The following FOCAD variants were observed in gnomAD, a reference collection of about 807,000 sequenced individuals.
FOCAD encodes the protein focadhesin.
A neutral mutation model predicts 225.6 loss-of-function variants in FOCAD; 198 were observed. That is an observed-to-expected ratio of 0.88 (90% CI 0.78 to 0.99). The LOEUF (loss-of-function observed/expected upper bound fraction) is 0.99. Ranked by LOEUF, FOCAD falls within the 50% of genes least tolerant of loss-of-function variation. FOCAD has a pLI of 0.00. For synonymous variants in FOCAD, 897 were observed against 755.0 expected (o/e 1.19, Z -3.08); for missense variants, 2,713 against 2,123.6 (o/e 1.28, Z -5.46).
chr9:20,974,594 G>T, intron 35 of FOCAD, among the ~76,000 whole-genome samples: 3 of 145,634 alleles, frequency 2.1e-5, no homozygotes, highest in Non-Finnish European at 4.5e-5. Context: ...TGCTAATTTG[G>T]CCTCTGCTTC....
intron 7 of FOCAD, among the ~76,000 whole-genome samples, chr9:20,769,304 T>C (rs1817938333): frequency 6.6e-6 from 1 of 152,250 alleles, no homozygotes; most frequent in Non-Finnish European, 1.5e-5. Context: ...GGCTTTCTTC[T>C]TGATGAATTT....
At chr9:20,802,834 T>C (rs1443152012) in intron 11 of FOCAD, among the ~76,000 whole-genome samples, 1 of 152,160 alleles carries the variant, frequency 6.6e-6, no homozygotes, top group Non-Finnish European at 1.5e-5. Flanking sequence ...CTCATTTGCT[T>C]TAGCACAATG....
At position 20,951,003 on chromosome 9, in the gene FOCAD, G is replaced by A. The variant is rs752198988; in HGVS notation, c.3956G>A (p.Ser1319Asn). Residue 1319 changes from serine to asparagine, a missense_variant, in exon 34 of 44, where the codon AGT (serine) becomes AAT (asparagine). Ser to Asn is a conservative substitution (Grantham distance 46). Transcript: ENST00000338382. Reference protein sequence around the residue: ...EVIRTLTQVISVSGVIGLQSN... With the variant: ...EVIRTLTQVINVSGVIGLQSN... ...TTACCTTTTTATTTGTAGGTCATTAGTGTCTCTGGGGTGATTGGTCTCCAG... is the reference window on the plus strand; with the variant it reads ...TTACCTTTTTATTTGTAGGTCATTAATGTCTCTGGGGTGATTGGTCTCCAG... 18 of 1,612,658 alleles carry A rather than the reference G, an allele frequency of 1.1e-5. No individual in the cohort carries two copies. The highest frequency in any genetic ancestry group is 1.5e-5 in the Non-Finnish European group (18 of 1,178,946).
chr9:20,823,413 C>T (rs1371917887), intron 15 of FOCAD, among the ~76,000 whole-genome samples: 1 of 151,950 alleles, frequency 6.6e-6, no homozygotes, highest in Non-Finnish European at 1.5e-5. Context: ...TAGGAGAACT[C>T]TAGAATATAG....
intron 1 of FOCAD, among the ~76,000 whole-genome samples, chr9:20,700,672 G>GCTGTTA (rs1213364538): frequency 2.0e-5 from 3 of 151,970 alleles, no homozygotes; most frequent in Non-Finnish European, 4.4e-5. Context: ...TCTACTTCTG[G>GCTGTTA]CTGTTATTTA....
intron 21 of FOCAD, among the ~76,000 whole-genome samples, chr9:20,904,219 C>T (rs897070209): frequency 4.0e-5 from 6 of 151,888 alleles, no homozygotes; most frequent in East Asian, 1.9e-4. Flanking sequence ...CTATGAACAT[C>T]GATATACATG....
intron 5 of FOCAD, 43 bp downstream of exon 5, chr9:20,740,383 T>G (rs1227086486): frequency 2.8e-6 from 3 of 1,086,764 alleles, no homozygotes; most frequent in Non-Finnish European, 4.1e-6. Flanking sequence ...ATATGAATTT[T>G]TAATGAAATT....
chr9:20,727,909 A>G lies in FOCAD; in HGVS notation c.287+7375A>G, dbSNP rs1026751077. The stretch of plus-strand genomic sequence containing the variant: ...TGGTCAAATATGGGTACAGTCTTGT[A>G]CCTCATGTTTGGTATATTTTGAAAG... On this transcript the variant is annotated intron_variant, in intron 4 of 43. Coordinates refer to ENST00000338382, the MANE Select transcript of FOCAD (RefSeq NM_001375567.1). Among the ~76,000 whole-genome samples, 12 of 152,294 alleles carry G rather than the reference A, an allele frequency of 7.9e-5. No homozygotes were observed. The South Asian group carries it at 1.2e-3, about 16-fold the overall frequency.
At chr9:20,870,316 A>T (rs1223867077) in intron 18 of FOCAD, among the ~76,000 whole-genome samples, 2 of 152,208 alleles carry the variant, frequency 1.3e-5, no homozygotes, top group Non-Finnish European at 2.9e-5. Flanking sequence ...TGAATAATTT[A>T]TGCAGATACT....
In FOCAD at chr9:20,995,876, T is replaced by C; in HGVS notation, c.*247T>C. 3.6e-6 allele frequency: 1 copy of C among 276,638 alleles called. No homozygotes were observed. Among genetic ancestry groups the C allele is most frequent in the Non-Finnish European group, 6.8e-6 (1 of 146,426 alleles). 17.1% of individuals were successfully genotyped at this position (276,638 alleles called of 1,614,324 possible). ...TTTTCTTTATTTGGCTTGAGTTCAA[T>C]GTGGAGATTTTCTTTGTGAAAGCTT... On this transcript the variant is annotated 3_prime_UTR_variant, in exon 44 of 44. Coordinates refer to ENST00000338382, the MANE Select transcript of FOCAD (RefSeq NM_001375567.1).
At chr9:20,680,968 A>G (rs1274424478), upstream of FOCAD, among the ~76,000 whole-genome samples, 1 of 152,176 alleles carries the variant, frequency 6.6e-6, no homozygotes, top group Non-Finnish European at 1.5e-5. Context: ...ACTGTACCCC[A>G]GCTTGTGTGA....
At chr9:20,687,127 C>G (rs1281169550) in intron 1 of FOCAD, among the ~76,000 whole-genome samples, 2 of 151,808 alleles carry the variant, frequency 1.3e-5, no homozygotes, top group Non-Finnish European at 2.9e-5. Context: ...TGAAGATGTT[C>G]CAAAACCCTT....
intron 6 of FOCAD, among the ~76,000 whole-genome samples, chr9:20,763,359 G>A (rs1829781624): frequency 2.0e-5 from 3 of 152,170 alleles, no homozygotes; most frequent in Non-Finnish European, 4.4e-5. Flanking sequence ...GGGAGACTGA[G>A]GCAGGAGGAT....
chr9:20,751,686 C>CT (rs1168904518), intron 5 of FOCAD, among the ~76,000 whole-genome samples: 1 of 148,790 alleles, frequency 6.7e-6, no homozygotes, highest in Non-Finnish European at 1.5e-5. Flanking sequence ...AATGGGATGA[C>CT]TGGGTCAAAT....
intron 11 of FOCAD, among the ~76,000 whole-genome samples, chr9:20,810,506 G>T (rs933223326): frequency 6.6e-6 from 1 of 152,094 alleles, no homozygotes; most frequent in African/African-American, 2.4e-5. Flanking sequence ...TGGCAGAAAT[G>T]TGTAGCTACT....
chr9:20,715,436 C>T (rs2131509507), intron 2 of FOCAD, 26 bp downstream of exon 2: 2 of 1,438,302 alleles, frequency 1.4e-6, no homozygotes, highest in Non-Finnish European at 1.9e-6. Context: ...TATTTTTGCT[C>T]ATGGTAACAA....
At chr9:20,677,560 A>G (rs1398972845) in intron 2 of FOCAD, among the ~76,000 whole-genome samples, 1 of 152,152 alleles carries the variant, frequency 6.6e-6, no homozygotes, top group Non-Finnish European at 1.5e-5. Flanking sequence ...AGGACCTGAT[A>G]GACATTTCTC....
intron 19 of FOCAD, among the ~76,000 whole-genome samples, chr9:20,878,310 C>A (rs116581602): frequency 6.6e-6 from 1 of 152,044 alleles, no homozygotes; most frequent in African/African-American, 2.4e-5. Context: ...TTTTTGCCTG[C>A]GTTTTCATTT....
At chr9:20,768,885 C>T (rs905605756) in intron 7 of FOCAD, among the ~76,000 whole-genome samples, 1 of 151,998 alleles carries the variant, frequency 6.6e-6, no homozygotes, top group East Asian at 1.9e-4. Flanking sequence ...AATGTTACTT[C>T]AAAATTATGC....
Sources: gnomAD v4.1 joint callset for allele counts (sites outside exome capture counted in the v4.1 genomes callset) on GRCh38, gnomAD v4.1.1 for gene constraint, MANE v1.5 for transcripts, NCBI Gene and HGNC (gene_info 2026-07-23, HGNC 2026-07-21) for gene names.